TAPT1: variants seen among roughly 807,000 people sequenced by gnomAD.
TAPT1 encodes the protein transmembrane anterior posterior transformation protein 1 homolog.
TAPT1 carries 28 observed loss-of-function variants against 65.6 expected under a neutral mutation model. The observed-to-expected ratio is 0.43, with a 90% CI of 0.32 to 0.59. TAPT1 has a LOEUF of 0.59. Among genes scored for constraint, TAPT1 ranks in the 20% least tolerant of loss-of-function variants. The pLI is 0.09. For missense variants in TAPT1, 563 were observed against 679.9 expected (o/e 0.83, Z 1.91); for synonymous variants, 278 against 245.2 (o/e 1.13, Z -1.25).
intron 12 of TAPT1, among the ~76,000 whole-genome samples, chr4:16,169,431 T>C (rs1258576336): frequency 6.6e-6 from 1 of 152,246 alleles, no homozygotes; most frequent in African/African-American, 2.4e-5. Flanking sequence ...CACAGCACAA[T>C]GTTAAAAACA....
At chr4:16,171,690 G>A (rs915978646) in intron 11 of TAPT1, among the ~76,000 whole-genome samples, 16 of 152,110 alleles carry the variant, frequency 1.1e-4, no homozygotes, top group Non-Finnish European at 1.8e-4. Context: ...GCCCTCAACC[G>A]TGTCACAGTC....
At chr4:16,166,991 C>CTCTTTTTT (rs758182176) in intron 12 of TAPT1, 198 bp from the exon 13 acceptor site, 12 of 160,674 alleles carry the variant, frequency 7.5e-5, no homozygotes, top group Non-Finnish European at 1.4e-4. Flanking sequence ...CCTTAGTTCT[C>CTCTTTTTT]TTTTTTTTTT....
chr4:16,212,908 C>CCAAA (rs1750728122), intron 2 of TAPT1, among the ~76,000 whole-genome samples: 1 of 152,158 alleles, frequency 6.6e-6, no homozygotes, highest in African/African-American at 2.4e-5. Context: ...AGAACATCAG[C>CCAAA]CAAACCAGCT....
chr4:16,196,720 C>T (rs1435606332), intron 3 of TAPT1: 25 of 1,286,230 alleles, frequency 1.9e-5, no homozygotes, highest in African/African-American at 4.6e-5. Flanking sequence ...CTCCTCCCTT[C>T]GGTCTGATTT....
chr4:16,178,985 G>A (rs1748532749), intron 8 of TAPT1: 1 of 152,244 alleles, frequency 6.6e-6, no homozygotes, highest in Non-Finnish European at 1.5e-5. Flanking sequence ...CTCACCTACT[G>A]AGTGTACAGC....
chr4:16,166,867 G>T, intron 12 of TAPT1, 74 bp from the exon 13 acceptor site: 2 of 1,466,792 alleles, frequency 1.4e-6, no homozygotes, highest in Non-Finnish European at 1.9e-6. Context: ...CTACTACCAT[G>T]GCTAAGGAGA....
chr4:16,216,626 CA>C (rs1444103803), intron 1 of TAPT1, among the ~76,000 whole-genome samples: 6 of 152,184 alleles, frequency 3.9e-5, no homozygotes, highest in Non-Finnish European at 8.8e-5. Flanking sequence ...AGCCCAGGGC[CA>C]ATCTTGACAA....
chr4:16,174,829 GAAC>G, intron 9 of TAPT1, 100 bp from the exon 10 acceptor site: 1 of 854,714 alleles, frequency 1.2e-6, no homozygotes, highest in Non-Finnish European at 1.7e-6. Flanking sequence ...AATTAACCAG[GAAC>G]AAGTGCTAAT....
chr4:16,190,136 C>G (rs916005490), intron 4 of TAPT1: 1 of 152,044 alleles, frequency 6.6e-6, no homozygotes, highest in Non-Finnish European at 1.5e-5. Flanking sequence ...TTAGGAGGTA[C>G]CAGGAAGGCT....
chr4:16,209,598 T>C (rs1311831059), intron 2 of TAPT1, among the ~76,000 whole-genome samples: 1 of 152,182 alleles, frequency 6.6e-6, no homozygotes, highest in African/African-American at 2.4e-5. Flanking sequence ...GACAATTTTG[T>C]ACCTGATGCA....
chr4:16,168,304 C>T (rs1364521004), intron 12 of TAPT1, among the ~76,000 whole-genome samples: 32 of 152,026 alleles, frequency 2.1e-4, no homozygotes, highest in Non-Finnish European at 4.1e-4. Flanking sequence ...GAGATGGGGT[C>T]TTGCTATGTT....
chr4:16,195,770 G>A (rs531721532), intron 3 of TAPT1, among the ~76,000 whole-genome samples: 4 of 152,290 alleles, frequency 2.6e-5, no homozygotes, highest in Non-Finnish European at 4.4e-5. Flanking sequence ...AGAGAAAGAC[G>A]ATCAAGGGTA....
At chr4:16,182,928 T>C (rs1748795429) in intron 7 of TAPT1, 2 of 152,218 alleles carry the variant, frequency 1.3e-5, no homozygotes, top group Admixed American at 6.5e-5. Context: ...TGAAGTCTTC[T>C]ATATTAAACC....
At chr4:16,202,055 C>T (rs1750065209) in intron 3 of TAPT1, among the ~76,000 whole-genome samples, 1 of 152,102 alleles carries the variant, frequency 6.6e-6, no homozygotes, top group South Asian at 2.1e-4. Flanking sequence ...TGAGGAGATT[C>T]CTTTTCCACT....
chr4:16,168,144 T>G (rs1223934086), intron 12 of TAPT1, among the ~76,000 whole-genome samples: 1 of 152,068 alleles, frequency 6.6e-6, no homozygotes, highest in Non-Finnish European at 1.5e-5. Context: ...GAAGCAGTCT[T>G]GCATTGTCGC....
At chr4:16,164,668 C>T (rs950060397) in intron 13 of TAPT1, among the ~76,000 whole-genome samples, 18 of 152,214 alleles carry the variant, frequency 1.2e-4, no homozygotes, top group Non-Finnish European at 2.1e-4. Context: ...TGGGCTCAAG[C>T]GCTGCTTCTG....
rs896434131 is a variant in TAPT1 at position 16,196,779 on chromosome 4, G to A, written c.450-5256C>T. 6.4e-6 allele frequency: 6 copies of A among 930,772 alleles called. No homozygotes were observed. The African/African-American group carries it at 6.8e-5, about 11-fold the overall frequency. The allele number at this position is 930,772 out of a possible 1,614,324, so 57.7% of individuals were successfully genotyped here. On this transcript the variant is annotated intron_variant, in intron 3 of 13. Coordinates refer to ENST00000405303, the MANE Select transcript of TAPT1 (RefSeq NM_153365.3). ...GATTGTAATGTTGCTACGCTACTTA[G>A]AGCTCCATGGTGAGGAAACGGGACA...
Position 16,186,838 on chromosome 4 carries a change from G to C in TAPT1, c.789C>G (p.Leu263=). Residue 263 remains leucine (L), a synonymous_variant, in exon 6 of 14, where the codon CTC becomes CTG. Coordinates refer to ENST00000405303, the MANE Select transcript of TAPT1 (RefSeq NM_153365.3). ...AILIMVQATT[L]NVAFNSHNKS... is the part of the protein sequence containing the mutation. ...TGTTGTGTGAGTTAAAAGCTACATT[G>C]AGAGTTGTTGCTTGAACCATTATAA... The C allele has an allele frequency of 2.5e-6, 4 of 1,612,238 alleles. No homozygotes were observed. In the South Asian group the frequency reaches 3.3e-5, roughly 13 times the overall value.
intron 1 of TAPT1, among the ~76,000 whole-genome samples, chr4:16,221,134 G>A (rs1751233221): frequency 6.7e-6 from 1 of 150,208 alleles, no homozygotes; most frequent in African/African-American, 2.5e-5. Flanking sequence ...TTTTTTTGGA[G>A]ACACAGTCTT....
Sources: allele counts gnomAD v4.1 joint callset (sites outside exome capture counted in the v4.1 genomes callset), GRCh38; gene constraint gnomAD v4.1.1; transcripts MANE v1.5; gene names NCBI Gene and HGNC (gene_info 2026-07-23, HGNC 2026-07-21).